Variants in GSDMD observed in about 807,000 individuals in gnomAD.
The protein encoded by GSDMD is gasdermin-D.
GSDMD carries 46 observed loss-of-function variants against 46.7 expected under a neutral mutation model. That is an observed-to-expected ratio of 0.99 (90% CI 0.78 to 1.26). GSDMD has a LOEUF of 1.26. Among genes scored for constraint, GSDMD ranks in the 50% most tolerant of loss-of-function variants. The pLI, the probability that GSDMD is intolerant of heterozygous loss-of-function variation, is 0.00. For missense variants in GSDMD, 649 were observed against 638.8 expected (o/e 1.02, Z -0.17); for synonymous variants, 307 against 283.1 (o/e 1.08, Z -0.85).
Position 143,560,665 on chromosome 8 carries a change from A to T in GSDMD, c.473A>T (p.Tyr158Phe). The T allele has an allele frequency of 1.3e-6, 2 of 1,589,928 alleles. No individual in the cohort carries two copies. The change falls in exon 4 of 11, where the codon TAC (tyrosine) becomes TTC (phenylalanine). Residue 158 changes from tyrosine to phenylalanine, a missense_variant. Tyr to Phe is a conservative substitution (Grantham distance 22). Transcript: ENST00000262580. ...QQLRSRGDNV[Y>F]VVTEVLQTQK... The stretch of plus-strand genomic sequence containing the variant: ...CTGCGCAGCCGCGGGGACAACGTGT[A>T]CGTGGTGACTGAGGTGCTGCAGACA...
At chr8:143,556,811 G>T (rs948145683), upstream of GSDMD, among the ~76,000 whole-genome samples, 3 of 152,208 alleles carry the variant, frequency 2.0e-5, no homozygotes, top group Non-Finnish European at 4.4e-5. Flanking sequence ...TGTTGCTACT[G>T]GGCACTAGAT....
upstream of GSDMD, among the ~76,000 whole-genome samples, chr8:143,554,209 A>G (rs902544116): frequency 6.6e-6 from 1 of 152,258 alleles, no homozygotes; most frequent in Admixed American, 6.5e-5. Context: ...CGTGACCTGC[A>G]CATGAACACA....
At chr8:143,559,573 G>A in intron 2 of GSDMD, 21 bp downstream of exon 2, 1 of 1,606,474 alleles carries the variant, frequency 6.2e-7, no homozygotes, top group Non-Finnish European at 8.5e-7. Context: ...TGGTGCTGAG[G>A]CAGAGCCCCA....
upstream of GSDMD, among the ~76,000 whole-genome samples, chr8:143,557,623 G>T (rs1038195427): frequency 1.4e-4 from 21 of 152,266 alleles, no homozygotes; most frequent in African/African-American, 4.8e-4. Context: ...TGGAGGAGCT[G>T]CCAGGCTTAT....
chr8:143,562,933 T>C lies in GSDMD; in HGVS notation c.*29T>C. On this transcript the variant is annotated 3_prime_UTR_variant, in exon 11 of 11. Transcript: ENST00000262580. ...GTGCCCGGGCATGGCCTGGCAGCTCTCCAGCAGGGCAGAGTGTTTGCCCAC... is the reference window on the plus strand; with the variant it reads ...GTGCCCGGGCATGGCCTGGCAGCTCCCCAGCAGGGCAGAGTGTTTGCCCAC... 6.2e-7 allele frequency: 1 copy of C among 1,610,712 alleles called. No homozygotes were observed. The highest frequency in any genetic ancestry group is 8.5e-7 in the Non-Finnish European group (1 of 1,179,810).
At position 143,562,959 on chromosome 8, in the gene GSDMD, C is replaced by G; in HGVS notation, c.*55C>G. 1 of 1,604,666 alleles carries G rather than the reference C, an allele frequency of 6.2e-7. No individual in the cohort carries two copies. On this transcript the variant is annotated 3_prime_UTR_variant, in exon 11 of 11. Coordinates refer to ENST00000262580, the MANE Select transcript of GSDMD (RefSeq NM_024736.7). ...CCAGCAGGGCAGAGTGTTTGCCCAC[C>G]AGCTGCTAGCCCTAGGAAGGCCAGG...
intron 10 of GSDMD, 55 bp downstream of exon 10, chr8:143,562,576 C>T: frequency 6.3e-7 from 1 of 1,596,854 alleles, no homozygotes. Context: ...TGGAAGGGGC[C>T]CTGTGGCACC....
At chr8:143,559,289 C>A in intron 1 of GSDMD, 43 bp from the exon 2 acceptor site, 1 of 702,668 alleles carries the variant, frequency 1.4e-6, no homozygotes, top group Non-Finnish European at 2.5e-6. Flanking sequence ...CTCCCTCCCG[C>A]CCGCCCCGAG....
upstream of GSDMD, chr8:143,555,197 G>A (rs561831744): frequency 2.6e-5 from 4 of 152,406 alleles, no homozygotes; most frequent in African/African-American, 9.6e-5. Context: ...CTAGCAGCAG[G>A]TGCTAATACA....
intron 1 of GSDMD, 50 bp from the exon 2 acceptor site, chr8:143,559,282 C>CA: frequency 2.3e-6 from 1 of 436,040 alleles, no homozygotes. Flanking sequence ...TCTCCCACTC[C>CA]CTCCCGCCCG....
rs753049247 is a variant in GSDMD at position 143,561,417 on chromosome 8, G to T, written c.730G>T (p.Ala244Ser). 3 of 1,611,170 alleles carry T rather than the reference G, an allele frequency of 1.9e-6. No individual in the cohort carries two copies. Among genetic ancestry groups the T allele is most frequent in the South Asian group, 1.1e-5 (1 of 90,814 alleles). The change falls in exon 6 of 11, where the codon GCG becomes TCG. Residue 244 changes from alanine (A) to serine (S), a missense_variant. Physicochemically the swap from Ala to Ser is moderately conservative, Grantham distance 99. Coordinates refer to ENST00000262580, the MANE Select transcript of GSDMD (RefSeq NM_024736.7). Reference protein sequence around the residue: ...DKKQRTFQPPATGHKRSTSEG... With the variant: ...DKKQRTFQPPSTGHKRSTSEG... ...GAAGCAGAGGACCTTCCAGCCACCC[G>T]CGACAGGTGAGAGCCGAGAGCCCCC...
At chr8:143,555,629 C>T (rs1019764407), upstream of GSDMD, among the ~76,000 whole-genome samples, 2 of 152,202 alleles carry the variant, frequency 1.3e-5, no homozygotes, top group African/African-American at 4.8e-5. Flanking sequence ...GGCCCTGTTA[C>T]CCAGCAGGGA....
Position 143,559,522 on chromosome 8 carries a change from G to A in GSDMD, c.187G>A (p.Asp63Asn). The change falls in exon 2 of 11, where the codon GAC becomes AAC. Residue 63 changes from aspartate (D) to asparagine (N), a missense_variant. By Grantham distance (23) the Asp-to-Asn change is conservative. Coordinates refer to ENST00000262580, the MANE Select transcript of GSDMD (RefSeq NM_024736.7). Reference sequence around the variant, plus strand: ...TAAGTGTGTCAACCTGTCTATCAAGGACATCCTGGAGCCGGATGCCGCGGA... The same window carrying A: ...TAAGTGTGTCAACCTGTCTATCAAGAACATCCTGGAGCCGGATGCCGCGGA... Reference protein sequence around the residue: ...RYKCVNLSIKDILEPDAAEPD... With the variant: ...RYKCVNLSIKNILEPDAAEPD... 1.9e-6 allele frequency: 3 copies of A among 1,612,826 alleles called. No homozygotes were observed. The highest frequency in any genetic ancestry group is 2.5e-6 in the Non-Finnish European group (3 of 1,179,950).
At chr8:143,554,287 A>G (rs1823260503), upstream of GSDMD, among the ~76,000 whole-genome samples, 1 of 152,266 alleles carries the variant, frequency 6.6e-6, no homozygotes, top group Non-Finnish European at 1.5e-5. Context: ...GCGTGCCTGC[A>G]TCAACGAGCG....
At chr8:143,558,674 C>T in intron 1 of GSDMD, 2 of 576,646 alleles carry the variant, frequency 3.5e-6, no homozygotes, top group South Asian at 2.0e-5. Context: ...CCCAGGTCCG[C>T]CATCCAGGTT....
At position 143,560,600 on chromosome 8, in the gene GSDMD, C is replaced by G. The variant is rs1261758636; in HGVS notation, c.411-3C>G. Reference sequence around the variant, plus strand: ...AGCGAGCTTTGCTGCTCCTCGGACACAGGCACCTGCGGCAGCCAGAACACA... The same window carrying G: ...AGCGAGCTTTGCTGCTCCTCGGACAGAGGCACCTGCGGCAGCCAGAACACA... On this transcript the variant is annotated splice_polypyrimidine_tract_variant and splice_region_variant and intron_variant, in intron 3 of 10. Transcript: ENST00000262580. The G allele has an allele frequency of 1.9e-6, 3 of 1,577,276 alleles. No homozygotes were observed. Among genetic ancestry groups the G allele is most frequent in the Non-Finnish European group, 2.6e-6 (3 of 1,161,494 alleles).
upstream of GSDMD, among the ~76,000 whole-genome samples, chr8:143,556,995 C>T (rs372284152): frequency 8.7e-4 from 133 of 152,372 alleles, 1 homozygote; most frequent in African/African-American, 3.0e-3. Flanking sequence ...AACCAGCAAC[C>T]GTCGCTCCCA....
chr8:143,558,765 C>A, intron 1 of GSDMD: 1 of 612,090 alleles, frequency 1.6e-6, no homozygotes, highest in South Asian at 1.6e-5. Flanking sequence ...TCAGAGGCTT[C>A]CTGGGGCAGC....
Position 143,562,756 on chromosome 8 carries a change from C to T in GSDMD, c.1307C>T (p.Ala436Val), listed in dbSNP as rs780857641. 2 of 1,587,046 alleles carry T rather than the reference C, an allele frequency of 1.3e-6. No homozygotes were observed. Among genetic ancestry groups the T allele is most frequent in the South Asian group, 1.1e-5 (1 of 87,826 alleles). Reference protein sequence around the residue: ...GLLGNSWGEGAPAWVLLDECG... With the variant: ...GLLGNSWGEGVPAWVLLDECG... ...CTGGGGAACAGCTGGGGCGAAGGAG[C>T]ACCGGCCTGGGTCTTGCTGGACGAG... Residue 436 changes from alanine to valine, a missense_variant, in exon 11 of 11, where the codon GCA becomes GTA. By Grantham distance (64) the Ala-to-Val change is moderately conservative. Transcript: ENST00000262580.
Sources: gnomAD v4.1 joint callset for allele counts (sites outside exome capture counted in the v4.1 genomes callset) on GRCh38, gnomAD v4.1.1 for gene constraint, MANE v1.5 for transcripts, NCBI Gene and HGNC (gene_info 2026-07-23, HGNC 2026-07-21) for gene names.